Variants in PHTF2 observed in about 807,000 individuals in gnomAD.
The protein encoded by PHTF2 is protein PHTF2.
Under a neutral mutation model 101.2 loss-of-function variants are expected in PHTF2, and 60 were observed. The ratio of observed to expected loss-of-function variants is 0.59; its 90% CI spans 0.48 to 0.73. The LOEUF (loss-of-function observed/expected upper bound fraction) is 0.73. Among genes scored for constraint, PHTF2 ranks in the 30% least tolerant of loss-of-function variants. PHTF2 has a pLI of 0.00. For missense variants in PHTF2, 747 were observed against 908.7 expected (o/e 0.82, Z 2.29); for synonymous variants, 311 against 307.3 (o/e 1.01, Z -0.13).
intron 3 of PHTF2, among the ~76,000 whole-genome samples, chr7:77,881,515 G>GTTTT (rs1428870144): frequency 1.3e-5 from 1 of 76,932 alleles, no homozygotes; most frequent in Non-Finnish European, 2.7e-5. Flanking sequence ...CCAATGGCTG[G>GTTTT]TTTTGTTTTT....
chr7:77,806,522 TA>T (rs1233603065), intron 1 of PHTF2, among the ~76,000 whole-genome samples: 1 of 152,180 alleles, frequency 6.6e-6, no homozygotes, highest in Non-Finnish European at 1.5e-5. Context: ...TCCATCTTTT[TA>T]CTTTCTACCT....
chr7:77,890,599 C>CTTTTT (rs747882978), intron 3 of PHTF2, among the ~76,000 whole-genome samples: 124 of 84,224 alleles, frequency 1.5e-3, no homozygotes, highest in Middle Eastern at 0.012. Context: ...AATAGTTACA[C>CTTTTT]TTTTTTTTTT....
At chr7:77,929,267 G>T in exon 12 of PHTF2, 1 of 1,611,086 alleles carries the variant, frequency 6.2e-7, no homozygotes, top group Middle Eastern at 1.7e-4. Context: ...AGACAGATGT[G>T]GAAAATCATC....
intron 7 of PHTF2, among the ~76,000 whole-genome samples, chr7:77,904,734 C>T (rs1801700970): frequency 6.6e-6 from 1 of 152,246 alleles, no homozygotes; most frequent in African/African-American, 2.4e-5. Flanking sequence ...TTAACCTTTA[C>T]TACCTCCTTA....
intron 3 of PHTF2, among the ~76,000 whole-genome samples, chr7:77,856,721 T>C (rs1797215580): frequency 6.6e-6 from 1 of 152,076 alleles, no homozygotes; most frequent in South Asian, 2.1e-4. Flanking sequence ...CAATACAGTA[T>C]AACAACTATT....
intron 17 of PHTF2, 27 bp downstream of exon 16, chr7:77,949,860 A>G: frequency 1.7e-6 from 2 of 1,185,150 alleles, no homozygotes; most frequent in Admixed American, 2.6e-5. Flanking sequence ...ATTATGCTAC[A>G]AATTAATGTC....
intron 9 of PHTF2, among the ~76,000 whole-genome samples, chr7:77,912,051 G>T (rs929196842): frequency 4.6e-5 from 7 of 152,188 alleles, no homozygotes; most frequent in Non-Finnish European, 8.8e-5. Context: ...GATATTATGT[G>T]TAGTATTCAG....
chr7:77,927,334 G>T (rs1804153075), intron 11 of PHTF2, among the ~76,000 whole-genome samples: 1 of 151,638 alleles, frequency 6.6e-6, no homozygotes, highest in South Asian at 2.1e-4. Context: ...GGTGGCTCAC[G>T]CCTGTAATCC....
chr7:77,842,359 A>G (rs1277285240), intron 2 of PHTF2, among the ~76,000 whole-genome samples: 1 of 152,168 alleles, frequency 6.6e-6, no homozygotes, highest in Non-Finnish European at 1.5e-5. Flanking sequence ...ATGTGCCACT[A>G]TGCCCAGCTA....
chr7:77,858,535 A>T (rs1263388610), intron 3 of PHTF2, among the ~76,000 whole-genome samples: 6 of 152,166 alleles, frequency 3.9e-5, no homozygotes, highest in Non-Finnish European at 8.8e-5. Flanking sequence ...TTTCTTTGAG[A>T]AACAGACCGA....
Position 77,929,092 on chromosome 7 carries a change from G to C in PHTF2, c.1120-17G>C, listed in dbSNP as rs764530114. Reference sequence around the variant, plus strand: ...GTACATAAATTGTATTAATGTCAAAGAATATCTTGATTTCAGGACGCCCCT... The same window carrying C: ...GTACATAAATTGTATTAATGTCAAACAATATCTTGATTTCAGGACGCCCCT... On this transcript the variant is annotated splice_polypyrimidine_tract_variant and intron_variant, in intron 11 of 19. Coordinates refer to ENST00000416283, the Ensembl canonical transcript of PHTF2. The C allele has an allele frequency of 6.3e-7, 1 of 1,577,278 alleles. No individual in the cohort carries two copies. Among genetic ancestry groups the C allele is most frequent in the Admixed American group, 1.7e-5 (1 of 59,654 alleles).
At chr7:77,874,141 G>T (rs933035808) in intron 3 of PHTF2, among the ~76,000 whole-genome samples, 2 of 152,160 alleles carry the variant, frequency 1.3e-5, no homozygotes, top group South Asian at 2.1e-4. Flanking sequence ...CCTCTCATGA[G>T]TGATGAATCA....
At chr7:77,843,263 A>G (rs550431639) in intron 2 of PHTF2, among the ~76,000 whole-genome samples, 2 of 152,116 alleles carry the variant, frequency 1.3e-5, no homozygotes, top group Non-Finnish European at 1.5e-5. Flanking sequence ...TTATGTTGTA[A>G]TATTTCCAAT....
At chr7:77,879,336 A>G (rs572310370) in intron 3 of PHTF2, among the ~76,000 whole-genome samples, 2 of 152,198 alleles carry the variant, frequency 1.3e-5, no homozygotes, top group Admixed American at 1.3e-4. Context: ...GTCAGATGAG[A>G]TGGTCCATGG....
chr7:77,924,668 G>A (rs1803794891), intron 11 of PHTF2, among the ~76,000 whole-genome samples: 1 of 152,150 alleles, frequency 6.6e-6, no homozygotes, highest in South Asian at 2.1e-4. Context: ...AAGATAATGG[G>A]TCAGGAACCT....
At chr7:77,808,938 C>G (rs908889101) in intron 1 of PHTF2, among the ~76,000 whole-genome samples, 1 of 152,020 alleles carries the variant, frequency 6.6e-6, no homozygotes, top group Non-Finnish European at 1.5e-5. Flanking sequence ...TAATCTGGTT[C>G]TCATTACTCC....
At chr7:77,898,407 C>T (rs1248870664) in intron 5 of PHTF2, among the ~76,000 whole-genome samples, 1 of 152,184 alleles carries the variant, frequency 6.6e-6, no homozygotes, top group East Asian at 1.9e-4. Context: ...AAGGTAAAAT[C>T]TTACTGTAAT....
chr7:77,854,680 C>T (rs1215401218), intron 2 of PHTF2: 3 of 698,592 alleles, frequency 4.3e-6, no homozygotes, highest in Non-Finnish European at 5.2e-6. Flanking sequence ...GTGTTGGCAC[C>T]CAAGCCACAA....
chr7:77,902,574 A>G (rs1382459185), intron 7 of PHTF2, among the ~76,000 whole-genome samples: 1 of 152,210 alleles, frequency 6.6e-6, no homozygotes, highest in African/African-American at 2.4e-5. Flanking sequence ...TCTAGTGCAT[A>G]GTCTTAGCAG....
Sources: gnomAD v4.1 joint callset for allele counts (sites outside exome capture counted in the v4.1 genomes callset) on GRCh38, gnomAD v4.1.1 for gene constraint, MANE v1.5 for transcripts, NCBI Gene and HGNC (gene_info 2026-07-23, HGNC 2026-07-21) for gene names.